EPHB1: variants seen among roughly 807,000 people sequenced by gnomAD.
EPHB1 encodes the protein ephrin type-B receptor 1.
A neutral mutation model predicts 94.4 loss-of-function variants in EPHB1; 30 were observed. The observed-to-expected ratio is 0.32, with a 90% CI of 0.24 to 0.43. The LOEUF is 0.43. Ranked by LOEUF, EPHB1 falls within the 20% of genes least tolerant of loss-of-function variation. EPHB1 has a pLI of 1.00. For missense variants in EPHB1, 1,055 were observed against 1,308.3 expected (o/e 0.81, Z 2.99); for synonymous variants, 522 against 489.1 (o/e 1.07, Z -0.89).
At chr3:135,100,397 G>C (rs562188942) in intron 3 of EPHB1, among the ~76,000 whole-genome samples, 1 of 152,266 alleles carries the variant, frequency 6.6e-6, no homozygotes, top group East Asian at 1.9e-4. Flanking sequence ...AGCTAAAGAG[G>C]CTCTGGTGAG....
chr3:134,952,078 G>A, intron 3 of EPHB1, 26 bp downstream of exon 3: 1 of 1,567,380 alleles, frequency 6.4e-7, no homozygotes. Flanking sequence ...TCTGCTTCCT[G>A]CCCATCTATG....
intron 10 of EPHB1, among the ~76,000 whole-genome samples, chr3:135,190,993 T>A (rs1269424831): frequency 6.6e-6 from 1 of 151,960 alleles, no homozygotes; most frequent in Non-Finnish European, 1.5e-5. Context: ...TGTGGTCCCA[T>A]CTACTCAGGA....
intron 4 of EPHB1, among the ~76,000 whole-genome samples, chr3:135,124,321 C>G (rs1404381919): frequency 6.6e-6 from 1 of 151,740 alleles, no homozygotes; most frequent in Non-Finnish European, 1.5e-5. Context: ...CCTCCTCCTT[C>G]TCTGTGTATC....
intron 4 of EPHB1, among the ~76,000 whole-genome samples, chr3:135,112,709 G>C (rs1270490105): frequency 6.6e-6 from 1 of 151,728 alleles, no homozygotes; most frequent in African/African-American, 2.4e-5. Flanking sequence ...TCCCTACAAA[G>C]GACATGAACT....
chr3:134,916,218 G>C (rs1300462660), intron 1 of EPHB1, among the ~76,000 whole-genome samples: 2 of 152,194 alleles, frequency 1.3e-5, no homozygotes, highest in East Asian at 3.9e-4. Flanking sequence ...GTGCTGATTG[G>C]TGTATTTACA....
intron 1 of EPHB1, among the ~76,000 whole-genome samples, chr3:134,815,157 T>C (rs2036245344): frequency 6.6e-6 from 1 of 152,214 alleles, no homozygotes; most frequent in African/African-American, 2.4e-5. Flanking sequence ...ACAAACAAAA[T>C]TGGAATATAG....
chr3:135,031,157 G>T (rs972747247), intron 3 of EPHB1, among the ~76,000 whole-genome samples: 9 of 152,338 alleles, frequency 5.9e-5, no homozygotes, highest in Admixed American at 5.9e-4. Flanking sequence ...CCGTACCTCA[G>T]ATGGAAATGC....
At chr3:134,855,731 G>A (rs1241282849) in intron 1 of EPHB1, among the ~76,000 whole-genome samples, 2 of 152,134 alleles carry the variant, frequency 1.3e-5, no homozygotes, top group African/African-American at 4.8e-5. Context: ...CATAGGAATA[G>A]GGGGAGGAAA....
chr3:135,239,508 G>A (rs1031977724), intron 12 of EPHB1, among the ~76,000 whole-genome samples: 2 of 152,128 alleles, frequency 1.3e-5, no homozygotes, highest in African/African-American at 2.4e-5. Context: ...CATGTTCCAC[G>A]TAGTATGGAG....
chr3:135,186,671 A>T (rs531334900), intron 10 of EPHB1, among the ~76,000 whole-genome samples: 1 of 152,246 alleles, frequency 6.6e-6, no homozygotes, highest in African/African-American at 2.4e-5. Flanking sequence ...CTGGCAGGTG[A>T]ATGTTTCGTT....
chr3:134,973,999 G>A (rs1397808879), intron 3 of EPHB1, among the ~76,000 whole-genome samples: 1 of 152,174 alleles, frequency 6.6e-6, no homozygotes, highest in East Asian at 1.9e-4. Flanking sequence ...AAGGCCAGCA[G>A]GAAGTTGGTG....
At chr3:135,038,709 T>TG (rs1936728704) in intron 3 of EPHB1, among the ~76,000 whole-genome samples, 1 of 152,090 alleles carries the variant, frequency 6.6e-6, no homozygotes, top group South Asian at 2.1e-4. Flanking sequence ...GTGGTCTCGC[T>TG]GGCTCAGGAG....
Position 135,166,989 on chromosome 3 carries a change from A to G in EPHB1, c.1742A>G (p.His581Arg). 1 of 1,614,204 alleles carries G rather than the reference A, an allele frequency of 6.2e-7. No individual in the cohort carries two copies. The highest frequency in any genetic ancestry group is 8.5e-7 in the Non-Finnish European group (1 of 1,180,022). Residue 581 changes from histidine to arginine, a missense_variant, in exon 9 of 16, where the codon CAT becomes CGT. By Grantham distance (29) the His-to-Arg change is conservative. Coordinates refer to ENST00000398015, the MANE Select transcript of EPHB1 (RefSeq NM_004441.5). ...KEAVYSDKLQ[H>R]YSTGRGSPGM... ...GCTGTGTACAGCGATAAGCTCCAGC[A>G]TTACAGCACAGGCCGAGGTAAGTAG...
intron 3 of EPHB1, among the ~76,000 whole-genome samples, chr3:135,035,482 G>A (rs1034042840): frequency 2.0e-5 from 3 of 152,196 alleles, no homozygotes; most frequent in Non-Finnish European, 4.4e-5. Context: ...ATTGGGAAAA[G>A]TGAATTACCT....
intron 12 of EPHB1, among the ~76,000 whole-genome samples, chr3:135,232,343 A>T (rs1943551811): frequency 6.6e-6 from 1 of 152,246 alleles, no homozygotes; most frequent in African/African-American, 2.4e-5. Flanking sequence ...GAACAGGAGC[A>T]GGGGTGTGCC....
At chr3:134,863,054 C>T (rs929613729) in intron 1 of EPHB1, among the ~76,000 whole-genome samples, 2 of 152,242 alleles carry the variant, frequency 1.3e-5, no homozygotes, top group Non-Finnish European at 1.5e-5. Context: ...ACCTGGCACT[C>T]ATGGCCTCAT....
intron 3 of EPHB1, among the ~76,000 whole-genome samples, chr3:134,973,307 A>G (rs996673970): frequency 1.3e-5 from 2 of 152,126 alleles, no homozygotes; most frequent in Non-Finnish European, 1.5e-5. Context: ...GTTGACCAAC[A>G]AGGTCCACAG....
intron 3 of EPHB1, among the ~76,000 whole-genome samples, chr3:134,987,971 T>C (rs1327657692): frequency 6.6e-6 from 1 of 152,178 alleles, no homozygotes; most frequent in Admixed American, 6.5e-5. Context: ...CTAAGCAGAC[T>C]ATACAACAGC....
At chr3:135,196,606 G>A (rs534301136) in intron 11 of EPHB1, among the ~76,000 whole-genome samples, 2 of 152,192 alleles carry the variant, frequency 1.3e-5, no homozygotes, top group African/African-American at 4.8e-5. Context: ...TCGAAAAATA[G>A]GTCATCAGTT....
Sources: allele counts gnomAD v4.1 joint callset (sites outside exome capture counted in the v4.1 genomes callset), GRCh38; gene constraint gnomAD v4.1.1; transcripts MANE v1.5; gene names NCBI Gene and HGNC (gene_info 2026-07-23, HGNC 2026-07-21).